The following ZSCAN2 variants were observed in gnomAD, a reference collection of about 807,000 sequenced individuals.
The protein encoded by ZSCAN2 is zinc finger and SCAN domain containing 2.
Under a neutral mutation model 47.8 loss-of-function variants are expected in ZSCAN2, and 26 were observed. The observed-to-expected ratio is 0.54, with a 90% CI of 0.40 to 0.75. The LOEUF (loss-of-function observed/expected upper bound fraction) is 0.75. Ranked by LOEUF, ZSCAN2 falls within the 30% of genes least tolerant of loss-of-function variation. ZSCAN2 has a pLI of 0.00. For missense variants in ZSCAN2, 732 were observed against 785.4 expected (o/e 0.93, Z 0.81); for synonymous variants, 305 against 288.7 (o/e 1.06, Z -0.57).
At chr15:84,605,805 A>G (rs761487595) in intron 2 of ZSCAN2, among the ~76,000 whole-genome samples, 4 of 152,260 alleles carry the variant, frequency 2.6e-5, no homozygotes, top group Non-Finnish European at 4.4e-5. Flanking sequence ...CGTGTGAGAA[A>G]GAACTGATAG....
rs773175399 is a variant in ZSCAN2, at chr15:84,621,735, C to T, written c.1540C>T (p.Arg514Cys). Residue 514 changes from arginine to cysteine, a missense_variant, in exon 3 of 3, where the codon CGC becomes TGC. Arg to Cys is a radical substitution (Grantham distance 180, BLOSUM62 -3). Transcript: ENST00000546148. This position sits in a 1 kb window ranked among gnomAD's most constrained non-coding sequence, Gnocchi z 5.7. ...CSECGKCFSQ[R>C]SQLVVHQRTH... Reference sequence around the variant, plus strand: ...CGAGTGTGGGAAATGCTTCAGCCAGCGCTCCCAGCTCGTAGTGCACCAGCG... The same window carrying T: ...CGAGTGTGGGAAATGCTTCAGCCAGTGCTCCCAGCTCGTAGTGCACCAGCG... 8.1e-5 allele frequency: 130 copies of T among 1,613,946 alleles called. No individual in the cohort carries two copies. The highest frequency in any genetic ancestry group is 1.0e-4 in the Non-Finnish European group (118 of 1,179,994).
intron 2 of ZSCAN2, chr15:84,616,300 G>T: frequency 7.6e-7 from 1 of 1,311,830 alleles, no homozygotes; most frequent in Non-Finnish European, 1.1e-6. Flanking sequence ...TTCCTTCTCT[G>T]CTTTCCAGAA....
chr15:84,619,115 C>T (rs1596036970), intron 2 of ZSCAN2, among the ~76,000 whole-genome samples: 2 of 152,248 alleles, frequency 1.3e-5, no homozygotes, highest in East Asian at 3.9e-4. Context: ...TAACAAGTTC[C>T]TGGAAGACAT....
At chr15:84,610,631 C>G (rs1390483553) in intron 2 of ZSCAN2, among the ~76,000 whole-genome samples, 2 of 151,928 alleles carry the variant, frequency 1.3e-5, no homozygotes, top group Non-Finnish European at 2.9e-5. Context: ...GGACTACAGG[C>G]ACCCACCACC....
intron 2 of ZSCAN2, 124 bp downstream of exon 2, chr15:84,604,457 T>C: frequency 8.0e-7 from 1 of 1,249,980 alleles, no homozygotes. Flanking sequence ...ATCCCTCTGC[T>C]CTGTCTGCAG....
rs753066376 is a variant in ZSCAN2 at position 84,622,026 on chromosome 15, G to A, written c.1831G>A (p.Glu611Lys). The change falls in exon 3 of 3, where the codon GAG (glutamate) becomes AAG (lysine). Residue 611 changes from glutamate (E) to lysine (K), a missense_variant. Transcript: ENST00000546148. Reference protein sequence around the residue: ...FITHQRTHMKEKLY With the variant: ...FITHQRTHMKKKLY ...CACACATCAGAGAACTCACATGAAAGAGAAACTTTATTGAAGTGGCAAAGA... is the reference window on the plus strand; with the variant it reads ...CACACATCAGAGAACTCACATGAAAAAGAAACTTTATTGAAGTGGCAAAGA... The A allele has an allele frequency of 6.2e-7, 1 of 1,602,938 alleles. No individual in the cohort carries two copies. Among genetic ancestry groups the A allele is most frequent in the Admixed American group, 1.7e-5 (1 of 58,754 alleles).
intron 2 of ZSCAN2, among the ~76,000 whole-genome samples, chr15:84,612,433 T>C (rs904098657): frequency 1.3e-5 from 2 of 152,132 alleles, no homozygotes; most frequent in Non-Finnish European, 2.9e-5. Flanking sequence ...TATACAGCAA[T>C]GTAGAAATGA....
In ZSCAN2 at chr15:84,620,656, A is replaced by G. The variant is rs572063737; in HGVS notation, c.461A>G (p.Asn154Ser). ...GENCNQDMFE[N>S]ESRKIFSEMP... Reference sequence around the variant, plus strand: ...AACTGTAATCAAGACATGTTTGAGAATGAATCACGTAAGATATTCTCGGAA... The same window carrying G: ...AACTGTAATCAAGACATGTTTGAGAGTGAATCACGTAAGATATTCTCGGAA... Residue 154 changes from asparagine to serine, a missense_variant, in exon 3 of 3, where the codon AAT becomes AGT. Around this residue, in one of 2 missense-constraint regions of ZSCAN2, gnomAD observed 320 missense variants for 287.4 expected, o/e 1.11. Transcript: ENST00000546148. The G allele has an allele frequency of 2.5e-6, 4 of 1,613,848 alleles. No homozygotes were observed. In the African/African-American group the frequency reaches 4.0e-5, roughly 16 times the overall value.
intron 2 of ZSCAN2, among the ~76,000 whole-genome samples, chr15:84,605,292 G>A (rs1895347485): frequency 6.6e-6 from 1 of 152,170 alleles, no homozygotes; most frequent in African/African-American, 2.4e-5. Flanking sequence ...TACTTCAGAT[G>A]TGCCTTGAGG....
rs1895816336 is a variant in ZSCAN2, at chr15:84,621,518, G to A, written c.1323G>A (p.Met441Ile). Residue 441 changes from methionine to isoleucine, a missense_variant, in exon 3 of 3, where the codon ATG becomes ATA. By Grantham distance (10) the Met-to-Ile change is conservative. Coordinates refer to ENST00000546148, the MANE Select transcript of ZSCAN2 (RefSeq NM_181877.4). This position sits in a 1 kb window ranked among gnomAD's most constrained non-coding sequence, Gnocchi z 5.7. ...SNLATHRRTHMVEKPYKCGVC... is the reference protein window; with the variant it reads ...SNLATHRRTHIVEKPYKCGVC... ...TGGCCACACACCGGAGAACCCACAT[G>A]GTGGAGAAGCCCTATAAGTGTGGGG... 3 of 1,613,670 alleles carry A rather than the reference G, an allele frequency of 1.9e-6. No individual in the cohort carries two copies. Among genetic ancestry groups the A allele is most frequent in the Non-Finnish European group, 2.5e-6 (3 of 1,179,924 alleles).
intron 2 of ZSCAN2, among the ~76,000 whole-genome samples, chr15:84,608,322 G>A (rs1316439500): frequency 6.6e-6 from 1 of 151,920 alleles, no homozygotes; most frequent in Non-Finnish European, 1.5e-5. Context: ...TCGAGGCCAG[G>A]AGTTCGAGAC....
chr15:84,604,181 G>T lies in ZSCAN2; in HGVS notation c.254G>T (p.Arg85Leu), dbSNP rs748156169. The T allele has an allele frequency of 6.2e-7, 1 of 1,613,660 alleles. No individual in the cohort carries two copies. The highest frequency in any genetic ancestry group is 8.5e-7 in the Non-Finnish European group (1 of 1,179,834). ...CTCGGCCGCCTCCGAGAGCTCTGCCGGCGCTGGCTGAGACCAGAGGTACAC... is the reference window on the plus strand; with the variant it reads ...CTCGGCCGCCTCCGAGAGCTCTGCCTGCGCTGGCTGAGACCAGAGGTACAC... ...GALGRLRELCRRWLRPEVHTK... is the reference protein window; with the variant it reads ...GALGRLRELCLRWLRPEVHTK... Residue 85 changes from arginine to leucine, a missense_variant, in exon 2 of 3, where the codon CGG becomes CTG. Transcript: ENST00000546148.
chr15:84,603,902 C>A lies in ZSCAN2; in HGVS notation c.-26C>A. 1 of 1,596,836 alleles carries A rather than the reference C, an allele frequency of 6.3e-7. No individual in the cohort carries two copies. The highest frequency in any genetic ancestry group is 8.6e-7 in the Non-Finnish European group (1 of 1,169,076). Reference sequence around the variant, plus strand: ...GAAGACTGAGGTCCAAGGCTTGAAGCCTAAGTGATTGCCCCAGGACTGTGG... The same window carrying A: ...GAAGACTGAGGTCCAAGGCTTGAAGACTAAGTGATTGCCCCAGGACTGTGG... On this transcript the variant is annotated 5_prime_UTR_variant, in exon 2 of 3. Coordinates refer to ENST00000546148, the MANE Select transcript of ZSCAN2 (RefSeq NM_181877.4).
In ZSCAN2 at chr15:84,604,029, C is replaced by G; in HGVS notation, c.102C>G (p.Ile34Met). Residue 34 changes from isoleucine to methionine, a missense_variant, in exon 2 of 3, where the codon ATC becomes ATG. Physicochemically the swap from Ile to Met is conservative, Grantham distance 10. This residue lies in a region of ZSCAN2 where 320 missense variants were observed against 287.4 expected (regional missense o/e 1.11). Transcript: ENST00000546148. ...DRQEEEVTTMILEDDSWVQEA... is the reference protein window; with the variant it reads ...DRQEEEVTTMMLEDDSWVQEA... The stretch of plus-strand genomic sequence containing the variant: ...AGGAGGAGGAGGTCACCACCATGAT[C>G]CTGGAGGATGACTCCTGGGTGCAAG... 2 of 1,614,068 alleles carry G rather than the reference C, an allele frequency of 1.2e-6. No individual in the cohort carries two copies. Among genetic ancestry groups the G allele is most frequent in the South Asian group, 2.2e-5 (2 of 91,072 alleles).
intron 2 of ZSCAN2, among the ~76,000 whole-genome samples, chr15:84,616,820 C>T (rs2141790699): frequency 6.6e-6 from 1 of 152,248 alleles, no homozygotes; most frequent in Non-Finnish European, 1.5e-5. Flanking sequence ...GTGCTCAAAA[C>T]TTGCCAAAAA....
intron 2 of ZSCAN2, among the ~76,000 whole-genome samples, chr15:84,608,547 A>G (rs913085138): frequency 2.3e-4 from 35 of 151,490 alleles, no homozygotes; most frequent in South Asian, 8.4e-4. Context: ...AAAAAAAAAA[A>G]AAAGAAACTG....
At chr15:84,613,524 T>C (rs1895611097) in intron 2 of ZSCAN2, among the ~76,000 whole-genome samples, 1 of 152,084 alleles carries the variant, frequency 6.6e-6, no homozygotes, top group South Asian at 2.1e-4. Flanking sequence ...GCCAGGGTAG[T>C]CTAGAACTCC....
At position 84,621,722 on chromosome 15, in the gene ZSCAN2, A is replaced by G. The variant is rs1895821112; in HGVS notation, c.1527A>G (p.Lys509=). The G allele has an allele frequency of 6.2e-7, 1 of 1,614,106 alleles. No individual in the cohort carries two copies. The highest frequency in any genetic ancestry group is 8.5e-7 in the Non-Finnish European group (1 of 1,180,004). ...EKPYKCSECG[K]CFSQRSQLVV... ...CCTACAAATGCAGCGAGTGTGGGAAATGCTTCAGCCAGCGCTCCCAGCTCG... is the reference window on the plus strand; with the variant it reads ...CCTACAAATGCAGCGAGTGTGGGAAGTGCTTCAGCCAGCGCTCCCAGCTCG... Residue 509 remains lysine (K), a synonymous_variant, in exon 3 of 3, where the codon AAA becomes AAG. Transcript: ENST00000546148. The surrounding 1 kb of genome is among the most constrained non-coding windows in gnomAD (Gnocchi z 5.7).
chr15:84,621,087 A>T lies in ZSCAN2; in HGVS notation c.892A>T (p.Arg298Trp), dbSNP rs746461752. ...SRSANLITHQ[R>W]IHTGEKPFQC... Reference sequence around the variant, plus strand: ...GAGTGCCAACCTCATAACCCACCAGAGGATCCACACGGGGGAAAAGCCCTT... The same window carrying T: ...GAGTGCCAACCTCATAACCCACCAGTGGATCCACACGGGGGAAAAGCCCTT... The change falls in exon 3 of 3, where the codon AGG becomes TGG. Residue 298 changes from arginine (R) to tryptophan (W), a missense_variant. This residue lies in a region of ZSCAN2 where 412 missense variants were observed against 498.0 expected (regional missense o/e 0.83). Transcript: ENST00000546148. The surrounding 1 kb of genome is among the most constrained non-coding windows in gnomAD (Gnocchi z 5.7). 27 of 1,612,550 alleles carry T rather than the reference A, an allele frequency of 1.7e-5. No homozygotes were observed. Among genetic ancestry groups the T allele is most frequent in the Non-Finnish European group, 2.3e-5 (27 of 1,179,516 alleles).
Sources: allele counts gnomAD v4.1 joint callset (sites outside exome capture counted in the v4.1 genomes callset), GRCh38; gene constraint gnomAD v4.1.1; regional missense constraint gnomAD v4.1.1; non-coding constraint Gnocchi (gnomAD v3.1); transcripts MANE v1.5; gene names NCBI Gene and HGNC (gene_info 2026-07-23, HGNC 2026-07-21).